Variants in TGM4 observed in about 807,000 individuals in gnomAD.
TGM4 encodes transglutaminase 4.
A neutral mutation model predicts 76.3 loss-of-function variants in TGM4; 61 were observed. The ratio of observed to expected loss-of-function variants is 0.80; its 90% CI spans 0.65 to 0.99. TGM4 has a LOEUF of 0.99. Among genes scored for constraint, TGM4 ranks in the 50% least tolerant of loss-of-function variants. The pLI is 0.00. For missense variants in TGM4, 794 were observed against 843.2 expected, an observed-to-expected ratio of 0.94 and a Z score of 0.72; for synonymous variants, 337 against 329.8, an observed-to-expected ratio of 1.02 and a Z score of -0.24.
chr3:44,885,555 G>A, intron 2 of TGM4, 57 bp downstream of exon 2: 1 of 1,560,446 alleles, frequency 6.4e-7, no homozygotes, highest in Non-Finnish European at 8.7e-7. Context: ...AGTGTCTGTG[G>A]ATGCTGGAGT....
At chr3:44,888,447 C>G (rs1699642715) in intron 3 of TGM4, 1 of 152,268 alleles carries the variant, frequency 6.6e-6, no homozygotes, top group East Asian at 1.9e-4. Context: ...GAAGCAGAAT[C>G]TGCTGGTGGA....
At chr3:44,874,726 C>T (rs750033710) in intron 1 of TGM4, 29 bp downstream of exon 1, 1 of 1,614,080 alleles carries the variant, frequency 6.2e-7, no homozygotes, top group Non-Finnish European at 8.5e-7. Flanking sequence ...CATGGAGCCC[C>T]ACATGCCCCT....
chr3:44,906,716 A>G (rs184341003), intron 9 of TGM4, among the ~76,000 whole-genome samples: 1 of 152,336 alleles, frequency 6.6e-6, no homozygotes, highest in East Asian at 1.9e-4. Flanking sequence ...AATAGGCAGC[A>G]TGACTTCCTA....
intron 6 of TGM4, chr3:44,899,607 C>A (rs1221023405): frequency 6.6e-6 from 1 of 152,224 alleles, no homozygotes; most frequent in Non-Finnish European, 1.5e-5. Flanking sequence ...GCAGGGTCGC[C>A]TAAAGACGAC....
intron 2 of TGM4, among the ~76,000 whole-genome samples, chr3:44,886,720 T>G (rs1175860972): frequency 2.0e-5 from 3 of 152,222 alleles, no homozygotes; most frequent in Non-Finnish European, 4.4e-5. Flanking sequence ...AACAAATATT[T>G]GTTGAGTACC....
intron 1 of TGM4, among the ~76,000 whole-genome samples, chr3:44,881,644 T>C (rs144208881): frequency 1.6e-4 from 24 of 152,340 alleles, no homozygotes; most frequent in African/African-American, 5.5e-4. Flanking sequence ...CTCAAAAATA[T>C]ACATACAGAC....
intron 8 of TGM4, 119 bp from the exon 9 acceptor site, chr3:44,903,765 C>T: frequency 1.1e-6 from 1 of 938,602 alleles, no homozygotes; most frequent in Admixed American, 1.8e-5. Flanking sequence ...TTCCCAAACC[C>T]CTGAGAACAA....
At chr3:44,897,434 C>G (rs1341962281) in intron 6 of TGM4, among the ~76,000 whole-genome samples, 1 of 152,210 alleles carries the variant, frequency 6.6e-6, no homozygotes, top group Non-Finnish European at 1.5e-5. Flanking sequence ...GGTCCTCTTT[C>G]TACCTGCAAG....
At position 44,907,174 on chromosome 3, in the gene TGM4, T is replaced by A; in HGVS notation, c.1301T>A (p.Ile434Asn). 1 of 1,613,850 alleles carries A rather than the reference T, an allele frequency of 6.2e-7. No homozygotes were observed. The highest frequency in any genetic ancestry group is 8.5e-7 in the Non-Finnish European group (1 of 1,179,990). The change falls in exon 10 of 14, where the codon ATC (isoleucine) becomes AAC (asparagine). Residue 434 changes from isoleucine (I) to asparagine (N), a missense_variant. Physicochemically the swap from Ile to Asn is moderately radical, Grantham distance 149. Transcript: ENST00000296125. Reference sequence around the variant, plus strand: ...GTGGGCCAAGACAGGCGGAGAGATATCACCTATGAGTACAAGTATCCAGAA... The same window carrying A: ...GTGGGCCAAGACAGGCGGAGAGATAACACCTATGAGTACAAGTATCCAGAA... ...KAVGQDRRRDITYEYKYPEGS... is the reference protein window; with the variant it reads ...KAVGQDRRRDNTYEYKYPEGS...
Position 44,874,678 on chromosome 3 carries a change from G to T in TGM4, c.-1G>T. Reference sequence around the variant, plus strand: ...GGCATTGCAGGAGAGAATCTGAAGGGATGATGGATGCATCAAAAGGTGAGT... The same window carrying T: ...GGCATTGCAGGAGAGAATCTGAAGGTATGATGGATGCATCAAAAGGTGAGT... On this transcript the variant is annotated 5_prime_UTR_variant, in exon 1 of 14. Transcript: ENST00000296125. 6.2e-7 allele frequency: 1 copy of T among 1,614,228 alleles called. No homozygotes were observed.
At chr3:44,900,957 G>C (rs1699844293) in intron 6 of TGM4, 1 of 154,358 alleles carries the variant, frequency 6.5e-6, no homozygotes, top group South Asian at 2.0e-4. Flanking sequence ...AACCTAAAGG[G>C]ACCGGGCATA....
Position 44,880,654 on chromosome 3 carries a change from T to C in TGM4, c.20-4671T>C, listed in dbSNP as rs116679298. Among the ~76,000 whole-genome samples, 642 of 152,344 alleles carry C rather than the reference T, an allele frequency of 4.2e-3. 4 individuals carry two copies. Among genetic ancestry groups the C allele is most frequent in the African/African-American group, 0.015 (619 of 41,576 alleles). Reference sequence around the variant, plus strand: ...AGCTAGGCAGGTCTTCCAAGAGTCCTCTCCAGTGTCACACAGGATGTGTTT... The same window carrying C: ...AGCTAGGCAGGTCTTCCAAGAGTCCCCTCCAGTGTCACACAGGATGTGTTT... On this transcript the variant is annotated intron_variant, in intron 1 of 13. Coordinates refer to ENST00000296125, the MANE Select transcript of TGM4 (RefSeq NM_003241.4).
chr3:44,896,345 A>G (rs1699777974), intron 5 of TGM4, among the ~76,000 whole-genome samples: 1 of 152,228 alleles, frequency 6.6e-6, no homozygotes, highest in Admixed American at 6.5e-5. Context: ...ATCCGACCTC[A>G]GGTGATCCAC....
chr3:44,898,171 C>T (rs998153638), intron 6 of TGM4, among the ~76,000 whole-genome samples: 1 of 151,354 alleles, frequency 6.6e-6, no homozygotes, highest in Non-Finnish European at 1.5e-5. Context: ...GTCCCAGCTA[C>T]TGGGGAGGCT....
At chr3:44,895,428 G>A (rs1260587914) in intron 5 of TGM4, among the ~76,000 whole-genome samples, 2 of 152,130 alleles carry the variant, frequency 1.3e-5, no homozygotes, top group Non-Finnish European at 2.9e-5. Flanking sequence ...GGAGTTCAAG[G>A]CCAGCCTGGG....
At chr3:44,889,948 C>G (rs948440003) in intron 3 of TGM4, among the ~76,000 whole-genome samples, 1 of 152,186 alleles carries the variant, frequency 6.6e-6, no homozygotes, top group Non-Finnish European at 1.5e-5. Flanking sequence ...GTTTAATTGA[C>G]TCACAGTTCC....
At chr3:44,895,681 C>A (rs1487643908) in intron 5 of TGM4, among the ~76,000 whole-genome samples, 1 of 151,990 alleles carries the variant, frequency 6.6e-6, no homozygotes, top group Non-Finnish European at 1.5e-5. Context: ...GAATTGTAAC[C>A]ACAAAACTCC....
Position 44,913,512 on chromosome 3 carries a change from C to A in TGM4, c.1914-72C>A, listed in dbSNP as rs1354242142. On this transcript the variant is annotated intron_variant, in intron 13 of 13. Coordinates refer to ENST00000296125, the MANE Select transcript of TGM4 (RefSeq NM_003241.4). The stretch of plus-strand genomic sequence containing the variant: ...AAGGCTCAGTTTCCTGGCTTCTCAC[C>A]CAACTCATCTTCTCCCTCTTCCCAT... 4.0e-5 allele frequency: 62 copies of A among 1,548,314 alleles called. 1 individual carries two copies. Among genetic ancestry groups the A allele is most frequent in the Non-Finnish European group, 4.3e-5 (49 of 1,149,708 alleles).
chr3:44,890,482 C>A, intron 3 of TGM4, 121 bp from the exon 4 acceptor site: 2 of 1,422,576 alleles, frequency 1.4e-6, no homozygotes, highest in Non-Finnish European at 1.9e-6. Context: ...CATTCCTTGT[C>A]TCCAGGCTGG....
Sources: allele counts gnomAD v4.1 joint callset (sites outside exome capture counted in the v4.1 genomes callset), GRCh38; gene constraint gnomAD v4.1.1; transcripts MANE v1.5; gene names NCBI Gene and HGNC (gene_info 2026-07-23, HGNC 2026-07-21).